KCNIP1: variants seen among roughly 807,000 people sequenced by gnomAD.
KCNIP1 encodes the protein A-type potassium channel modulatory protein KCNIP1.
KCNIP1 carries 18 observed loss-of-function variants against 33.0 expected under a neutral mutation model. The ratio of observed to expected loss-of-function variants is 0.55; its 90% CI spans 0.38 to 0.81. The LOEUF (loss-of-function observed/expected upper bound fraction) is 0.81. KCNIP1 is among the 30% of genes least tolerant of loss of function. The probability of loss-of-function intolerance (pLI) is 0.00; values close to 1 mark genes in which losing one functional copy is unlikely to be tolerated. For missense variants in KCNIP1, 238 were observed against 271.6 expected, an observed-to-expected ratio of 0.88 and a Z score of 0.87; for synonymous variants, 93 against 98.3, an observed-to-expected ratio of 0.95 and a Z score of 0.32.
chr5:170,470,447 A>G (rs1305931098), intron 1 of KCNIP1, among the ~76,000 whole-genome samples: 2 of 151,948 alleles, frequency 1.3e-5, no homozygotes, highest in Middle Eastern at 3.2e-3. Context: ...TACCGAACTG[A>G]TCTTGGGTCT....
intron 1 of KCNIP1, among the ~76,000 whole-genome samples, chr5:170,510,288 C>G (rs954934939): frequency 2.0e-5 from 3 of 152,242 alleles, no homozygotes; most frequent in Non-Finnish European, 4.4e-5. Context: ...CTCTGACTAG[C>G]TTTCAGGCAC....
At chr5:170,609,153 C>T (rs1384796099) in intron 1 of KCNIP1, among the ~76,000 whole-genome samples, 1 of 152,210 alleles carries the variant, frequency 6.6e-6, no homozygotes, top group Non-Finnish European at 1.5e-5. Flanking sequence ...AAACTGTCTT[C>T]CCCAGGGTGG....
At chr5:170,685,997 T>C (rs531433562) in intron 1 of KCNIP1, among the ~76,000 whole-genome samples, 6 of 152,330 alleles carry the variant, frequency 3.9e-5, no homozygotes, top group African/African-American at 1.2e-4. Flanking sequence ...TTCTCCCTTT[T>C]TTAAACCATC....
At chr5:170,551,780 AGT>A (rs558671378) in intron 1 of KCNIP1, among the ~76,000 whole-genome samples, 1 of 150,886 alleles carries the variant, frequency 6.6e-6, no homozygotes, top group Non-Finnish European at 1.5e-5. Flanking sequence ...TATGAATGTG[AGT>A]GTGTGTATGT....
At chr5:170,433,685 T>C (rs1351811790) in intron 1 of KCNIP1, among the ~76,000 whole-genome samples, 1 of 152,232 alleles carries the variant, frequency 6.6e-6, no homozygotes, top group Admixed American at 6.5e-5. Flanking sequence ...GATCATTTGG[T>C]AGCCAAGTCC....
intron 1 of KCNIP1, among the ~76,000 whole-genome samples, chr5:170,685,274 C>T (rs1209464671): frequency 1.3e-5 from 2 of 151,418 alleles, no homozygotes; most frequent in East Asian, 3.9e-4. Context: ...CCAGAGTTGC[C>T]CAAACCCAGG....
chr5:170,381,458 T>C (rs1027822681), intron 1 of KCNIP1, among the ~76,000 whole-genome samples: 3 of 152,174 alleles, frequency 2.0e-5, no homozygotes, highest in African/African-American at 7.2e-5. Context: ...CCCTTCACAG[T>C]GATTCCAGAG....
chr5:170,697,094 CAT>C (rs1254709564), intron 1 of KCNIP1, among the ~76,000 whole-genome samples: 1 of 151,998 alleles, frequency 6.6e-6, no homozygotes, highest in Non-Finnish European at 1.5e-5. Flanking sequence ...CTCACACACA[CAT>C]ACACACACAC....
chr5:170,546,595 G>A (rs1250693978), intron 1 of KCNIP1, among the ~76,000 whole-genome samples: 2 of 152,114 alleles, frequency 1.3e-5, no homozygotes, highest in Admixed American at 6.5e-5. Context: ...AAACTGTCAG[G>A]AGTTATCAGC....
At chr5:170,461,722 C>T (rs1253873778) in intron 1 of KCNIP1, among the ~76,000 whole-genome samples, 1 of 147,808 alleles carries the variant, frequency 6.8e-6, no homozygotes, top group Non-Finnish European at 1.5e-5. Context: ...TGCACTCCAG[C>T]CCGGGCGACA....
rs1333286341 is a variant in KCNIP1 at position 170,691,597 on chromosome 5, A to G, written c.62-27161A>G. On this transcript the variant is annotated intron_variant, in intron 1 of 7. Transcript: ENST00000328939. ...ACATTTGGCTCAGTGCTAAGCCTAT[A>G]TAAATACTCCACAAGGGCACAGAGA... is the stretch of plus-strand genomic sequence containing the variant. 3.3e-5 allele frequency among the ~76,000 whole-genome samples: 5 copies of G among 152,370 alleles called. No individual in the cohort carries two copies. In the East Asian group the frequency reaches 7.7e-4, roughly 23 times the overall value.
At chr5:170,683,947 G>C (rs927474915) in intron 1 of KCNIP1, among the ~76,000 whole-genome samples, 22 of 150,376 alleles carry the variant, frequency 1.5e-4, no homozygotes, top group Admixed American at 2.0e-4. Flanking sequence ...AGTAGAGACA[G>C]GGTTTCACCA....
At chr5:170,477,691 C>T (rs1033611907) in intron 1 of KCNIP1, among the ~76,000 whole-genome samples, 6 of 152,184 alleles carry the variant, frequency 3.9e-5, no homozygotes, top group Non-Finnish European at 8.8e-5. Context: ...ATCTGCCTGC[C>T]TCGGCCTCCC....
intron 1 of KCNIP1, among the ~76,000 whole-genome samples, chr5:170,602,035 CTG>C (rs1424392592): frequency 3.3e-5 from 5 of 152,196 alleles, no homozygotes; most frequent in Non-Finnish European, 7.3e-5. Flanking sequence ...GAGGCTGCCT[CTG>C]TGTGTGATTC....
At chr5:170,667,754 G>A (rs924707063) in intron 1 of KCNIP1, among the ~76,000 whole-genome samples, 21 of 152,238 alleles carry the variant, frequency 1.4e-4, no homozygotes, top group African/African-American at 5.1e-4. Context: ...GGTTGCTGGG[G>A]ATGCCAAATA....
In KCNIP1 at chr5:170,535,176, A is replaced by C. The variant is rs187064991; in HGVS notation, c.61+30543A>C. Among the ~76,000 whole-genome samples the C allele has an allele frequency of 3.2e-3, 484 of 151,938 alleles. 2 individuals carry two copies. Among genetic ancestry groups the C allele is most frequent in the Non-Finnish European group, 5.9e-3 (403 of 67,936 alleles). The stretch of plus-strand genomic sequence containing the variant: ...CTATCTCCAAGTGTGCCTCACCCCC[A>C]CTGACAGGTCAGATTATCCACTGTC... On this transcript the variant is annotated intron_variant, in intron 1 of 7. Transcript: ENST00000328939.
chr5:170,453,030 A>G (rs1561633046), intron 1 of KCNIP1, among the ~76,000 whole-genome samples: 1 of 152,236 alleles, frequency 6.6e-6, no homozygotes, highest in Non-Finnish European at 1.5e-5. Flanking sequence ...ATTTTGCATG[A>G]AAAATGTGCT....
chr5:170,396,586 G>A (rs1754768056), intron 1 of KCNIP1, among the ~76,000 whole-genome samples: 1 of 152,228 alleles, frequency 6.6e-6, no homozygotes, highest in Non-Finnish European at 1.5e-5. Flanking sequence ...CTCAAATGGG[G>A]ATGGATTCAA....
intron 1 of KCNIP1, among the ~76,000 whole-genome samples, chr5:170,697,590 C>T (rs1036247990): frequency 3.3e-5 from 5 of 152,152 alleles, no homozygotes; most frequent in Admixed American, 2.0e-4. Flanking sequence ...AGCTAGGAAA[C>T]GTCCAAGGAG....
Sources: gnomAD v4.1 joint callset for allele counts (sites outside exome capture counted in the v4.1 genomes callset) on GRCh38, gnomAD v4.1.1 for gene constraint, MANE v1.5 for transcripts, NCBI Gene and HGNC (gene_info 2026-07-23, HGNC 2026-07-21) for gene names.